The following HAS3 variants were observed in gnomAD, a reference collection of about 807,000 sequenced individuals.
HAS3 encodes the protein hyaluronan synthase 3.
A neutral mutation model predicts 50.3 loss-of-function variants in HAS3; 27 were observed. That is an observed-to-expected ratio of 0.54 (90% CI 0.40 to 0.74). HAS3 has a LOEUF of 0.74. Among genes scored for constraint, HAS3 ranks in the 30% least tolerant of loss-of-function variants. HAS3 has a pLI of 0.00. For synonymous variants in HAS3, 339 were observed against 310.9 expected (o/e 1.09, Z -0.95); for missense variants, 517 against 742.8 (o/e 0.70, Z 3.53).
In HAS3 at chr16:69,117,411, A is replaced by G. The variant is rs1961232353; in HGVS notation, c.*2145A>G. 1 of 985,642 alleles carries G rather than the reference A, an allele frequency of 1.0e-6. No homozygotes were observed. The highest frequency in any genetic ancestry group is 1.2e-6 in the Non-Finnish European group (1 of 829,888). 61.1% of individuals were successfully genotyped at this position (985,642 alleles called of 1,614,324 possible). A position where few individuals can be genotyped will look rare whatever the true frequency, so the allele number is the denominator to read the frequency against. ...CTGGTTTTTCTAAGTTATTTTGTACATTTTTCAGCAGCAAAACCAAACTGG... is the reference window on the plus strand; with the variant it reads ...CTGGTTTTTCTAAGTTATTTTGTACGTTTTTCAGCAGCAAAACCAAACTGG... On this transcript the variant is annotated 3_prime_UTR_variant, in exon 4 of 4. Coordinates refer to ENST00000569188, the MANE Select transcript of HAS3 (RefSeq NM_001199280.2).
chr16:69,110,736 C>T (rs536703195), intron 2 of HAS3, among the ~76,000 whole-genome samples: 2 of 152,138 alleles, frequency 1.3e-5, no homozygotes, highest in African/African-American at 2.4e-5. Flanking sequence ...GCGCCCAGGC[C>T]GTCTGTCTCA....
In HAS3 at chr16:69,115,288, G is replaced by T; in HGVS notation, c.*22G>T. The T allele has an allele frequency of 6.8e-7, 1 of 1,477,892 alleles. No individual in the cohort carries two copies. The allele number at this position is 1,477,892 out of a possible 1,614,324, so 91.5% of individuals were successfully genotyped here. A position where few individuals can be genotyped will look rare whatever the true frequency, so the allele number is the denominator to read the frequency against. ...GTGACATGGCCCCCAAGCAGAGCGG[G>T]TAAAGTGCAATGGGTAAGGGAGGGA... is the stretch of plus-strand genomic sequence containing the variant. On this transcript the variant is annotated 3_prime_UTR_variant, in exon 4 of 4. Coordinates refer to ENST00000569188, the MANE Select transcript of HAS3 (RefSeq NM_001199280.2).
In HAS3 at chr16:69,116,293, C is replaced by T. The variant is rs1896918263; in HGVS notation, c.*1027C>T. The stretch of plus-strand genomic sequence containing the variant: ...TTCAAGGTGGCAATTGGGGCGGAGC[C>T]CCGGCTCTTATAGAAGCTTCAGCAG... On this transcript the variant is annotated 3_prime_UTR_variant, in exon 4 of 4. Coordinates refer to ENST00000569188, the MANE Select transcript of HAS3 (RefSeq NM_001199280.2). 1 of 985,652 alleles carries T rather than the reference C, an allele frequency of 1.0e-6. No individual in the cohort carries two copies. Among genetic ancestry groups the T allele is most frequent in the African/African-American group, 1.7e-5 (1 of 57,248 alleles). 61.1% of individuals were successfully genotyped at this position (985,652 alleles called of 1,614,324 possible).
the HAS3 span, among the ~76,000 whole-genome samples, chr16:69,099,092 T>A: frequency 6.6e-6 from 1 of 151,878 alleles, no homozygotes; most frequent in African/African-American, 2.4e-5. Context: ...TGCCTCAGCC[T>A]CCTGAGTAGC....
rs1363683122 is a variant in HAS3 at position 69,116,254 on chromosome 16, T to C, written c.*988T>C. On this transcript the variant is annotated 3_prime_UTR_variant, in exon 4 of 4. Transcript: ENST00000569188. ...GCAGTCACCTCTTCTACCCTCATCATCATAGGTAAGGTTTTCAAGGTGGCA... is the reference window on the plus strand; with the variant it reads ...GCAGTCACCTCTTCTACCCTCATCACCATAGGTAAGGTTTTCAAGGTGGCA... The C allele has an allele frequency of 3.0e-6, 3 of 985,542 alleles. No individual in the cohort carries two copies. The highest frequency in any genetic ancestry group is 3.6e-6 in the Non-Finnish European group (3 of 829,960). 61.0% of individuals were successfully genotyped at this position (985,542 alleles called of 1,614,324 possible).
intron 2 of HAS3, among the ~76,000 whole-genome samples, chr16:69,111,157 ATTTTTTTTTTTTTTTTT>A (rs71148963): frequency 4.8e-5 from 3 of 62,274 alleles, no homozygotes; most frequent in South Asian, 8.6e-4. Context: ...CTAGGCCAGG[ATTTTTTTTTTTTTTTTT>A]TTTTTTTTTT....
chr16:69,117,415 T>C lies in HAS3; in HGVS notation c.*2149T>C, dbSNP rs1323680113. ...TTTTTCTAAGTTATTTTGTACATTT[T>C]TCAGCAGCAAAACCAAACTGGGTCT... On this transcript the variant is annotated 3_prime_UTR_variant, in exon 4 of 4. Coordinates refer to ENST00000569188, the MANE Select transcript of HAS3 (RefSeq NM_001199280.2). 1.0e-6 allele frequency: 1 copy of C among 985,736 alleles called. No homozygotes were observed. The highest frequency in any genetic ancestry group is 1.7e-5 in the African/African-American group (1 of 57,232). 61.1% of individuals were successfully genotyped at this position (985,736 alleles called of 1,614,324 possible). A position where few individuals can be genotyped will look rare whatever the true frequency, so the allele number is the denominator to read the frequency against.
rs1411169612 is a variant in HAS3 at position 69,107,463 on chromosome 16, TG to T, written c.-1+1679del. ...TTTCCGTTCCTTCCCGGTTGGGTCGTGGGAAAGCGGCACGTGGGTGTGGCCG... is the reference window on the plus strand; with the variant it reads ...TTTCCGTTCCTTCCCGGTTGGGTCGTGGAAAGCGGCACGTGGGTGTGGCCG... On this transcript the variant is annotated intron_variant, in intron 1 of 3. Coordinates refer to ENST00000569188, the MANE Select transcript of HAS3 (RefSeq NM_001199280.2). This position sits in a 1 kb window ranked among gnomAD's most constrained non-coding sequence, Gnocchi z 5.5. 3 of 985,402 alleles carry T rather than the reference TG, an allele frequency of 3.0e-6. No homozygotes were observed. The highest frequency in any genetic ancestry group is 3.6e-6 in the Non-Finnish European group (3 of 830,042). 61.0% of individuals were successfully genotyped at this position (985,402 alleles called of 1,614,324 possible).
chr16:69,086,387 C>T, the HAS3 span, among the ~76,000 whole-genome samples: 1 of 152,024 alleles, frequency 6.6e-6, no homozygotes, highest in Non-Finnish European at 1.5e-5. Context: ...TGGTCTTGAA[C>T]TGCTGGCCTC....
the HAS3 span, among the ~76,000 whole-genome samples, chr16:69,100,310 G>T: frequency 6.6e-6 from 1 of 152,170 alleles, no homozygotes. Context: ...AAGCCGCCTT[G>T]AAGAGAAAGC....
At chr16:69,088,012 G>A in the HAS3 span, among the ~76,000 whole-genome samples, 1,479 of 152,042 alleles carry the variant, frequency 9.7e-3, 7 homozygotes, top group Non-Finnish European at 0.011. Flanking sequence ...CCCTTGCTTC[G>A]TTTGTTCACC....
In HAS3 at chr16:69,114,650, G is replaced by A. The variant is rs755565979; in HGVS notation, c.1046G>A (p.Arg349Gln). Residue 349 changes from arginine to glutamine, a missense_variant, in exon 4 of 4, where the codon CGG (arginine) becomes CAG (glutamine). Transcript: ENST00000569188. The surrounding 1 kb of genome is among the most constrained non-coding windows in gnomAD (Gnocchi z 6.4). Reference protein sequence around the residue: ...CLTETPTKYLRWLNQQTRWSK... With the variant: ...CLTETPTKYLQWLNQQTRWSK... The stretch of plus-strand genomic sequence containing the variant: ...ACAGAGACCCCCACTAAGTACCTCC[G>A]GTGGCTCAACCAGCAAACCCGCTGG... 4 of 1,613,910 alleles carry A rather than the reference G, an allele frequency of 2.5e-6. No individual in the cohort carries two copies. The highest frequency in any genetic ancestry group is 2.2e-5 in the East Asian group (1 of 44,884).
rs1389293289 is a variant in HAS3, at chr16:69,116,169, G to A, written c.*903G>A. The A allele has an allele frequency of 1.8e-5, 18 of 985,398 alleles. No individual in the cohort carries two copies. The East Asian group carries it at 1.9e-3, about 106-fold the overall frequency. The allele number at this position is 985,398 out of a possible 1,614,324, so 61.0% of individuals were successfully genotyped here. On this transcript the variant is annotated 3_prime_UTR_variant, in exon 4 of 4. Transcript: ENST00000569188. Reference sequence around the variant, plus strand: ...TTCCTCTCAAATTCAGCTCTGATCTGAGGCTAAGACACACTCCCCACTTCA... The same window carrying A: ...TTCCTCTCAAATTCAGCTCTGATCTAAGGCTAAGACACACTCCCCACTTCA...
chr16:69,107,489 G>A lies in HAS3; in HGVS notation c.-1+1702G>A. 1 of 985,700 alleles carries A rather than the reference G, an allele frequency of 1.0e-6. No individual in the cohort carries two copies. The highest frequency in any genetic ancestry group is 1.2e-6 in the Non-Finnish European group (1 of 830,140). The allele number at this position is 985,700 out of a possible 1,614,324, so 61.1% of individuals were successfully genotyped here. Reference sequence around the variant, plus strand: ...GGGAAAGCGGCACGTGGGTGTGGCCGGCGCCGCCTTTGCCAAGAGGCGAGG... The same window carrying A: ...GGGAAAGCGGCACGTGGGTGTGGCCAGCGCCGCCTTTGCCAAGAGGCGAGG... On this transcript the variant is annotated intron_variant, in intron 1 of 3. Transcript: ENST00000569188. This position sits in a 1 kb window ranked among gnomAD's most constrained non-coding sequence, Gnocchi z 5.5.
the HAS3 span, among the ~76,000 whole-genome samples, chr16:69,096,875 C>A: frequency 6.6e-6 from 1 of 151,994 alleles, no homozygotes. Flanking sequence ...CCTCAGCCTC[C>A]CAAAGTGCTG....
In HAS3 at chr16:69,107,734, G is replaced by C; in HGVS notation, c.1-1662G>C. 1 of 980,726 alleles carries C rather than the reference G, an allele frequency of 1.0e-6. No individual in the cohort carries two copies. The highest frequency in any genetic ancestry group is 1.2e-6 in the Non-Finnish European group (1 of 825,540). 60.8% of individuals were successfully genotyped at this position (980,726 alleles called of 1,614,324 possible). A position where few individuals can be genotyped will look rare whatever the true frequency, so the allele number is the denominator to read the frequency against. ...GGGAATGGGGGCGCTCCTAGGCTGC[G>C]GATGCAGGCCTGGGGACTCCTGGGC... On this transcript the variant is annotated intron_variant, in intron 1 of 3. Transcript: ENST00000569188. The surrounding 1 kb of genome is among the most constrained non-coding windows in gnomAD (Gnocchi z 5.5).
At position 69,109,527 on chromosome 16, in the gene HAS3, C is replaced by G. The variant is rs762049945; in HGVS notation, c.132C>G (p.Ser44=). 87 of 1,613,944 alleles carry G rather than the reference C, an allele frequency of 5.4e-5. No individual in the cohort carries two copies. Among genetic ancestry groups the G allele is most frequent in the Non-Finnish European group, 7.3e-5 (86 of 1,180,050 alleles). ...TCCACACGGAAAAGCACTACCTGTC[C>G]TTCGGCCTGTACGGCGCCATCCTGG... ...QFIHTEKHYL[S]FGLYGAILGL... The change falls in exon 2 of 4, where the codon TCC becomes TCG. Residue 44 remains serine (S), a synonymous_variant. Coordinates refer to ENST00000569188, the MANE Select transcript of HAS3 (RefSeq NM_001199280.2). The surrounding 1 kb of genome is among the most constrained non-coding windows in gnomAD (Gnocchi z 5.3).
At position 69,116,241 on chromosome 16, in the gene HAS3, T is replaced by TCTA. The variant is rs1961175104; in HGVS notation, c.*977_*979dup. On this transcript the variant is annotated 3_prime_UTR_variant, in exon 4 of 4. Transcript: ENST00000569188. ...TTGAGGTATCACTGCAGTCACCTCT[T>TCTA]CTACCCTCATCATCATAGGTAAGGT... 1 of 985,496 alleles carries TCTA rather than the reference T, an allele frequency of 1.0e-6. No individual in the cohort carries two copies. Among genetic ancestry groups the TCTA allele is most frequent in the Admixed American group, 6.1e-5 (1 of 16,270 alleles). The allele number at this position is 985,496 out of a possible 1,614,324, so 61.0% of individuals were successfully genotyped here.
upstream of HAS3, among the ~76,000 whole-genome samples, chr16:69,100,668 C>G (rs530878866): frequency 6.6e-6 from 1 of 152,326 alleles, no homozygotes; most frequent in South Asian, 2.1e-4. Flanking sequence ...CACCTGGGTC[C>G]TGGCAAGGTT....
Sources: allele counts gnomAD v4.1 joint callset (sites outside exome capture counted in the v4.1 genomes callset), GRCh38; gene constraint gnomAD v4.1.1; non-coding constraint Gnocchi (gnomAD v3.1); transcripts MANE v1.5; gene names NCBI Gene and HGNC (gene_info 2026-07-23, HGNC 2026-07-21).